The following DDX10 variants were observed in gnomAD, a reference collection of about 807,000 sequenced individuals.
DDX10 encodes probable ATP-dependent RNA helicase DDX10.
DDX10 carries 74 observed loss-of-function variants against 104.3 expected under a neutral mutation model. The ratio of observed to expected loss-of-function variants is 0.71; its 90% confidence interval spans 0.59 to 0.86. The LOEUF (loss-of-function observed/expected upper bound fraction) is 0.86, where lower values mean the gene tolerates loss of function less well. DDX10 is among the 40% of genes least tolerant of loss of function. DDX10 has a pLI of 0.00. For missense variants in DDX10, 952 were observed against 1,040.0 expected (o/e 0.92, Z 1.16); for synonymous variants, 351 against 353.4 (o/e 0.99, Z 0.08).
chr11:108,804,450 G>T (rs1368502262), intron 13 of DDX10, among the ~76,000 whole-genome samples: 3 of 129,076 alleles, frequency 2.3e-5, no homozygotes, highest in African/African-American at 8.4e-5. Context: ...GCATTGAGCC[G>T]ATTGCACAAC....
intron 16 of DDX10, among the ~76,000 whole-genome samples, chr11:108,895,326 A>G (rs1345885758): frequency 6.6e-6 from 1 of 150,992 alleles, no homozygotes; most frequent in African/African-American, 2.4e-5. Context: ...CTTGTGTTAT[A>G]TCCAAGTCTC....
intron 17 of DDX10, 107 bp downstream of exon 17, chr11:108,918,125 G>T: frequency 2.6e-6 from 3 of 1,136,662 alleles, no homozygotes; most frequent in Non-Finnish European, 2.6e-6. Flanking sequence ...GATGTTTGTT[G>T]CTTTTTTTTG....
At chr11:108,882,309 C>T (rs1863237790) in intron 16 of DDX10, among the ~76,000 whole-genome samples, 2 of 152,188 alleles carry the variant, frequency 1.3e-5, no homozygotes, top group South Asian at 4.1e-4. Context: ...TTCACATTTT[C>T]TGTGCTCATT....
chr11:108,917,765 A>T, intron 16 of DDX10, 108 bp from the exon 17 acceptor site: 1 of 1,095,088 alleles, frequency 9.1e-7, no homozygotes, highest in Admixed American at 2.2e-5. Flanking sequence ...AGAGAAAGCT[A>T]ATCTGTGGAT....
At chr11:108,861,539 A>G (rs1272892325) in intron 16 of DDX10, among the ~76,000 whole-genome samples, 6 of 152,242 alleles carry the variant, frequency 3.9e-5, no homozygotes, top group African/African-American at 1.4e-4. Context: ...AAGATGCCAG[A>G]CAGAAGAGTA....
chr11:108,722,943 A>G (rs773112429), intron 12 of DDX10, 54 bp from the exon 13 acceptor site: 78 of 1,524,410 alleles, frequency 5.1e-5, no homozygotes, highest in Non-Finnish European at 6.2e-5. Flanking sequence ...TATGACACCT[A>G]TAAACATATC....
chr11:108,720,467 T>C (rs1355972309), intron 12 of DDX10, among the ~76,000 whole-genome samples: 1 of 152,232 alleles, frequency 6.6e-6, no homozygotes, highest in African/African-American at 2.4e-5. Context: ...GCCTGAATAT[T>C]CCTCCTGTCT....
At chr11:108,799,638 C>T (rs1861991188) in intron 13 of DDX10, among the ~76,000 whole-genome samples, 1 of 152,184 alleles carries the variant, frequency 6.6e-6, no homozygotes, top group African/African-American at 2.4e-5. Flanking sequence ...GCAGACTTCC[C>T]ATTGAGAAAG....
chr11:108,790,583 A>C (rs1474322370), intron 13 of DDX10, among the ~76,000 whole-genome samples: 1 of 152,146 alleles, frequency 6.6e-6, no homozygotes, highest in African/African-American at 2.4e-5. Context: ...ACATGTGCCA[A>C]AAAGAATATA....
chr11:108,719,737 T>C (rs1252140080), intron 11 of DDX10, 60 bp from the exon 12 acceptor site: 2 of 1,001,086 alleles, frequency 2.0e-6, no homozygotes, highest in Non-Finnish European at 3.0e-6. Context: ...TTCTTATATT[T>C]TGGTCTAAAC....
At chr11:108,704,887 A>G (rs1271340371) in intron 9 of DDX10, among the ~76,000 whole-genome samples, 2 of 152,190 alleles carry the variant, frequency 1.3e-5, no homozygotes, top group African/African-American at 4.8e-5. Flanking sequence ...ATGGTGCCTT[A>G]TCCCATGGAA....
chr11:108,729,599 A>G (rs532642572), intron 13 of DDX10, among the ~76,000 whole-genome samples: 2 of 151,176 alleles, frequency 1.3e-5, no homozygotes, highest in African/African-American at 4.8e-5. Flanking sequence ...TTTTTCCTCC[A>G]TTAAACATAT....
chr11:108,829,456 G>C (rs143025464), intron 13 of DDX10, among the ~76,000 whole-genome samples: 2 of 151,802 alleles, frequency 1.3e-5, no homozygotes, highest in Non-Finnish European at 2.9e-5. Context: ...TTTTCTTGCC[G>C]ATTTGTTTGA....
intron 13 of DDX10, among the ~76,000 whole-genome samples, chr11:108,744,252 T>C (rs906228580): frequency 3.3e-5 from 5 of 152,182 alleles, no homozygotes; most frequent in Admixed American, 6.5e-5. Context: ...TATCCATATA[T>C]TGAGTTGCAT....
intron 1 of DDX10, among the ~76,000 whole-genome samples, chr11:108,666,008 G>C: frequency 6.6e-6 from 1 of 152,168 alleles, no homozygotes; most frequent in Admixed American, 6.5e-5. Flanking sequence ...GGTGTTCCCA[G>C]ATGAGTATAC....
At chr11:108,864,534 G>T (rs549872832) in intron 16 of DDX10, among the ~76,000 whole-genome samples, 1 of 151,790 alleles carries the variant, frequency 6.6e-6, no homozygotes, top group African/African-American at 2.4e-5. Context: ...GTACAGTGGC[G>T]TGATCTTGGC....
chr11:108,935,049 A>G (rs1167259788), intron 17 of DDX10, among the ~76,000 whole-genome samples: 1 of 152,190 alleles, frequency 6.6e-6, no homozygotes. Flanking sequence ...TTTACTATTC[A>G]GATGAATGGA....
At chr11:108,918,314 T>C (rs1292565803) in intron 17 of DDX10, 8 of 388,180 alleles carry the variant, frequency 2.1e-5, no homozygotes, top group African/African-American at 1.7e-4. Context: ...TTCTTATCTT[T>C]CTCTGAGTCC....
intron 15 of DDX10, among the ~76,000 whole-genome samples, chr11:108,847,105 G>A (rs932395161): frequency 6.6e-6 from 1 of 152,082 alleles, no homozygotes; most frequent in South Asian, 2.1e-4. Flanking sequence ...TTTCTCTTTA[G>A]AACCTCTGGA....
Sources: allele counts gnomAD v4.1 joint callset (sites outside exome capture counted in the v4.1 genomes callset), GRCh38; gene constraint gnomAD v4.1.1; transcripts MANE v1.5; gene names NCBI Gene and HGNC (gene_info 2026-07-23, HGNC 2026-07-21).